HIPK2: variants seen among roughly 807,000 people sequenced by gnomAD.
HIPK2 encodes homeodomain-interacting protein kinase 2.
HIPK2 carries 27 observed loss-of-function variants against 113.7 expected under a neutral mutation model. That is an observed-to-expected ratio of 0.24 (90% CI 0.17 to 0.33). The LOEUF is 0.33. HIPK2 is among the 10% of genes least tolerant of loss of function. HIPK2 has a pLI of 1.00. For synonymous variants in HIPK2, 631 were observed against 642.2 expected, an observed-to-expected ratio of 0.98 and a Z score of 0.26; for missense variants, 1,257 against 1,588.0, an observed-to-expected ratio of 0.79 and a Z score of 3.54.
intron 1 of HIPK2, among the ~76,000 whole-genome samples, chr7:139,724,004 CTTT>C (rs769658116): frequency 7.3e-6 from 1 of 137,428 alleles, no homozygotes. Flanking sequence ...TGCTACAGAT[CTTT>C]TTTTTTTTTT....
chr7:139,585,586 CT>C (rs1320016954), intron 12 of HIPK2, among the ~76,000 whole-genome samples: 2 of 152,134 alleles, frequency 1.3e-5, no homozygotes, highest in Non-Finnish European at 2.9e-5. Flanking sequence ...GCTATTTAAC[CT>C]CTCAGTGATT....
In HIPK2 at chr7:139,716,820, G is replaced by A. The variant is rs748732904; in HGVS notation, c.215C>T (p.Pro72Leu). ...GTAAGGTAGGCTTGGGTTTGGGACC[G>A]GCAAGGAGGTGCTGACGGTTGTGGT... ...PATTTVSTSL[P>L]VPNPSLPYEQ... is the part of the protein sequence containing the mutation. The change falls in exon 2 of 15, where the codon CCG becomes CTG. Residue 72 changes from proline to leucine, a missense_variant. Physicochemically the swap from Pro to Leu is moderately conservative, Grantham distance 98 (BLOSUM62 -3). Around this residue, in one of 5 missense-constraint regions of HIPK2, gnomAD observed 209 missense variants for 237.8 expected, o/e 0.88. Transcript: ENST00000406875. This position sits in a 1 kb window ranked among gnomAD's most constrained non-coding sequence, Gnocchi z 9.3. 2.4e-5 allele frequency: 39 copies of A among 1,613,760 alleles called. No homozygotes were observed. Among genetic ancestry groups the A allele is most frequent in the South Asian group, 1.4e-4 (13 of 91,076 alleles).
At chr7:139,636,148 G>A (rs1199526679) in intron 2 of HIPK2, among the ~76,000 whole-genome samples, 1 of 152,154 alleles carries the variant, frequency 6.6e-6, no homozygotes, top group Non-Finnish European at 1.5e-5. Flanking sequence ...TGACCTGGGA[G>A]CCACATTTTT....
At chr7:139,635,045 C>T (rs2116321261) in intron 2 of HIPK2, among the ~76,000 whole-genome samples, 1 of 152,328 alleles carries the variant, frequency 6.6e-6, no homozygotes, top group Admixed American at 6.5e-5. Flanking sequence ...ACCTGCTTTT[C>T]TCTCTGCCCT....
At chr7:139,675,491 C>T (rs748995801) in intron 2 of HIPK2, among the ~76,000 whole-genome samples, 3 of 152,120 alleles carry the variant, frequency 2.0e-5, no homozygotes, top group Non-Finnish European at 2.9e-5. Flanking sequence ...TCTTATTTCT[C>T]ACATGCGGAC....
At chr7:139,764,217 T>C (rs1177675498) in intron 1 of HIPK2, among the ~76,000 whole-genome samples, 1 of 152,224 alleles carries the variant, frequency 6.6e-6, no homozygotes, top group Non-Finnish European at 1.5e-5. Flanking sequence ...TCTACCAACA[T>C]ACAACATTAT....
chr7:139,722,737 A>G (rs568740495), intron 1 of HIPK2, among the ~76,000 whole-genome samples: 91 of 151,850 alleles, frequency 6.0e-4, no homozygotes, highest in African/African-American at 2.2e-3. Context: ...TATTCAGAGC[A>G]CCCTCCCTAC....
chr7:139,592,603 CTCA>C (rs1490668510), intron 12 of HIPK2, among the ~76,000 whole-genome samples: 5 of 152,148 alleles, frequency 3.3e-5, no homozygotes, highest in Admixed American at 3.3e-4. Flanking sequence ...AGAAATTACC[CTCA>C]TGACTAAAGG....
chr7:139,774,158 C>T (rs182212669), intron 1 of HIPK2, among the ~76,000 whole-genome samples: 3 of 152,258 alleles, frequency 2.0e-5, no homozygotes, highest in East Asian at 1.9e-4. Context: ...TATTGGTTTT[C>T]GAAACTATTT....
chr7:139,682,345 C>T (rs1802734234), intron 2 of HIPK2, among the ~76,000 whole-genome samples: 1 of 152,134 alleles, frequency 6.6e-6, no homozygotes, highest in African/African-American at 2.4e-5. Context: ...CCATCTCTAG[C>T]CTCAAGAAAC....
chr7:139,741,008 A>G lies in HIPK2; in HGVS notation c.20-23993T>C, dbSNP rs569569571. On this transcript the variant is annotated intron_variant, in intron 1 of 14. Coordinates refer to ENST00000406875, the MANE Select transcript of HIPK2 (RefSeq NM_022740.5). ...CTAAAAATACGAAAATTAGCCGGACATGGTGGCAGGTGCCTGTCGTCCCAG... is the reference window on the plus strand; with the variant it reads ...CTAAAAATACGAAAATTAGCCGGACGTGGTGGCAGGTGCCTGTCGTCCCAG... Among the ~76,000 whole-genome samples the G allele has an allele frequency of 8.5e-5, 13 of 152,144 alleles. 1 individual carries two copies. Among genetic ancestry groups the G allele is most frequent in the South Asian group, 4.1e-4 (2 of 4,824 alleles).
At chr7:139,633,598 G>T (rs1800697038) in intron 2 of HIPK2, among the ~76,000 whole-genome samples, 1 of 151,410 alleles carries the variant, frequency 6.6e-6, no homozygotes, top group African/African-American at 2.4e-5. Flanking sequence ...GATCACTTGA[G>T]CCCAGGAGTT....
chr7:139,769,619 C>T (rs1401952509), intron 1 of HIPK2, among the ~76,000 whole-genome samples: 1 of 152,226 alleles, frequency 6.6e-6, no homozygotes, highest in Non-Finnish European at 1.5e-5. Flanking sequence ...AAGCCAACAC[C>T]AGAGCTTTGC....
At chr7:139,608,317 TTATATATATAAAA>T (rs201364996) in intron 9 of HIPK2, among the ~76,000 whole-genome samples, 2,526 of 145,622 alleles carry the variant, frequency 0.017, 25 homozygotes, top group Middle Eastern at 0.039. Context: ...ATAATATATA[TTATATATATAAAA>T]TATATATATA....
At chr7:139,580,183 G>A (rs564923089) in intron 13 of HIPK2, among the ~76,000 whole-genome samples, 5 of 152,312 alleles carry the variant, frequency 3.3e-5, no homozygotes, top group African/African-American at 1.2e-4. Context: ...GCTGGGCCCC[G>A]CTGTGCATGT....
intron 2 of HIPK2, among the ~76,000 whole-genome samples, chr7:139,635,590 C>T (rs1800783143): frequency 6.6e-6 from 1 of 152,110 alleles, no homozygotes; most frequent in Admixed American, 6.5e-5. Flanking sequence ...AATGAAATGG[C>T]AGCCATTCAC....
At chr7:139,586,717 C>A (rs1407658752) in intron 12 of HIPK2, among the ~76,000 whole-genome samples, 1 of 151,744 alleles carries the variant, frequency 6.6e-6, no homozygotes, top group African/African-American at 2.4e-5. Flanking sequence ...TATGATCACA[C>A]CACTGCACTC....
At position 139,614,489 on chromosome 7, in the gene HIPK2, G is replaced by T; in HGVS notation, c.1787C>A (p.Pro596His). 2 of 1,382,102 alleles carry T rather than the reference G, an allele frequency of 1.4e-6. No individual in the cohort carries two copies. The highest frequency in any genetic ancestry group is 1.9e-6 in the Non-Finnish European group (2 of 1,055,402). The allele number at this position is 1,382,102 out of a possible 1,614,324, so 85.6% of individuals were successfully genotyped here. A position where few individuals can be genotyped will look rare whatever the true frequency, so the allele number is the denominator to read the frequency against. ...GGAAATAGTGGCACTGGTAGAGGAGGGAGCCTAAAGGAGTGATGGGGATTA... is the reference window on the plus strand; with the variant it reads ...GGAAATAGTGGCACTGGTAGAGGAGTGAGCCTAAAGGAGTGATGGGGATTA... ...NQLTTVHNQA[P>H]SSTSATISLA... Residue 596 changes from proline to histidine, a missense_variant, in exon 8 of 15, where the codon CCC becomes CAC. Transcript: ENST00000406875.
At chr7:139,675,033 T>A (rs1314171267) in intron 2 of HIPK2, among the ~76,000 whole-genome samples, 1 of 152,230 alleles carries the variant, frequency 6.6e-6, no homozygotes, top group Non-Finnish European at 1.5e-5. Flanking sequence ...GTATTTATGC[T>A]GTGTCTAATT....
Sources: gnomAD v4.1 joint callset for allele counts (sites outside exome capture counted in the v4.1 genomes callset) on GRCh38, gnomAD v4.1.1 for gene constraint, gnomAD v4.1.1 regional missense constraint, Gnocchi (gnomAD v3.1) non-coding constraint, MANE v1.5 for transcripts, NCBI Gene and HGNC (gene_info 2026-07-23, HGNC 2026-07-21) for gene names.